Variants in CERS3 observed in about 807,000 individuals in gnomAD.
CERS3 encodes the protein ceramide synthase 3.
In CERS3, 33 loss-of-function variants were observed where a neutral mutation model predicts 50.3. The observed-to-expected ratio is 0.66, with a 90% CI of 0.50 to 0.88. CERS3 has a LOEUF of 0.88. Ranked by LOEUF, CERS3 falls within the 40% of genes least tolerant of loss-of-function variation. The probability of loss-of-function intolerance (pLI) is 0.00; values close to 1 mark genes in which losing one functional copy is unlikely to be tolerated. For synonymous variants in CERS3, 176 were observed against 155.2 expected (o/e 1.13, Z -0.99); for missense variants, 470 against 460.3 (o/e 1.02, Z -0.19).
At chr15:100,404,643 A>T (rs1398873509) in intron 11 of CERS3, among the ~76,000 whole-genome samples, 4 of 152,206 alleles carry the variant, frequency 2.6e-5, no homozygotes. Flanking sequence ...TTATATGGAG[A>T]GGCAAAGGAA....
At chr15:100,427,760 G>C (rs1213537533) in intron 11 of CERS3, among the ~76,000 whole-genome samples, 2 of 152,192 alleles carry the variant, frequency 1.3e-5, no homozygotes, top group East Asian at 1.9e-4. Flanking sequence ...CTTCTAACAA[G>C]TCTTCCTCAT....
chr15:100,497,470 A>G (rs1299691605), intron 3 of CERS3, among the ~76,000 whole-genome samples: 2 of 152,070 alleles, frequency 1.3e-5, no homozygotes, highest in Non-Finnish European at 2.9e-5. Flanking sequence ...TTTTTTCTCT[A>G]TTAGAACAAC....
At chr15:100,440,324 C>T (rs1002087961) in intron 11 of CERS3, among the ~76,000 whole-genome samples, 3 of 152,198 alleles carry the variant, frequency 2.0e-5, no homozygotes, top group Non-Finnish European at 2.9e-5. Context: ...ATCCAGATGG[C>T]CTGTTCCTGC....
intron 10 of CERS3, among the ~76,000 whole-genome samples, chr15:100,467,153 C>T (rs1011290052): frequency 2.6e-5 from 4 of 152,034 alleles, no homozygotes; most frequent in African/African-American, 7.2e-5. Context: ...CTGCACCTAG[C>T]CTGATTTTCT....
chr15:100,409,061 G>A (rs1483798455), intron 11 of CERS3, among the ~76,000 whole-genome samples: 2 of 152,080 alleles, frequency 1.3e-5, no homozygotes, highest in Middle Eastern at 3.2e-3. Context: ...AATACTTGAT[G>A]AGGCAGGACA....
At chr15:100,492,235 CAA>C (rs1277558003) in intron 3 of CERS3, among the ~76,000 whole-genome samples, 1 of 152,108 alleles carries the variant, frequency 6.6e-6, no homozygotes, top group Non-Finnish European at 1.5e-5. Flanking sequence ...CAATATTGTT[CAA>C]GTCTTCTATT....
rs146921266 is a variant in CERS3, at chr15:100,409,656, T to C, written c.1000-6791A>G. 4.3e-3 allele frequency among the ~76,000 whole-genome samples: 662 copies of C among 152,320 alleles called. 5 individuals carry two copies. The highest frequency in any genetic ancestry group is 0.015 in the African/African-American group (604 of 41,578). ...CTTTGACTGAGTGCCAAGACTTTGC[T>C]CGCAAAATCAGCGTGAGTCCGTTTC... On this transcript the variant is annotated intron_variant, in intron 11 of 11. Transcript: ENST00000679737.
intron 5 of CERS3, among the ~76,000 whole-genome samples, chr15:100,480,681 C>T (rs375018289): frequency 3.7e-4 from 57 of 152,206 alleles, no homozygotes; most frequent in Middle Eastern, 6.8e-3. Flanking sequence ...AATCTAAACA[C>T]TGAATATTTT....
At chr15:100,483,883 C>A (rs1477822333) in intron 5 of CERS3, among the ~76,000 whole-genome samples, 2 of 149,284 alleles carry the variant, frequency 1.3e-5, no homozygotes, top group African/African-American at 5.0e-5. Flanking sequence ...CAGGTTCACG[C>A]CATTCTCCTG....
chr15:100,470,084 GA>G (rs144242192), intron 9 of CERS3, among the ~76,000 whole-genome samples: 9,937 of 152,322 alleles, frequency 0.065, 439 homozygotes, highest in Non-Finnish European at 0.1. Context: ...AAGAACTGCA[GA>G]AAGGGTTGCT....
intron 1 of CERS3, among the ~76,000 whole-genome samples, chr15:100,539,188 T>A (rs2037143198): frequency 6.6e-6 from 1 of 152,224 alleles, no homozygotes; most frequent in Non-Finnish European, 1.5e-5. Flanking sequence ...CTATTAGCAT[T>A]TTTATTAAAG....
At chr15:100,458,577 C>T (rs1399460321) in intron 10 of CERS3, among the ~76,000 whole-genome samples, 1 of 79,708 alleles carries the variant, frequency 1.3e-5, no homozygotes, top group Non-Finnish European at 2.4e-5. Context: ...CAGAGCAAGA[C>T]TCCATCTCAA....
intron 1 of CERS3, among the ~76,000 whole-genome samples, chr15:100,543,155 A>G (rs1596841970): frequency 6.6e-6 from 1 of 151,996 alleles, no homozygotes; most frequent in Non-Finnish European, 1.5e-5. Flanking sequence ...CAGGTGATCC[A>G]CCTGCCTCAG....
At chr15:100,446,714 C>T (rs1241059894) in intron 11 of CERS3, among the ~76,000 whole-genome samples, 1 of 152,114 alleles carries the variant, frequency 6.6e-6, no homozygotes, top group African/African-American at 2.4e-5. Context: ...ATGAAAACTC[C>T]CTTATGTAAA....
chr15:100,497,302 A>ATGTGTGTG lies in CERS3; in HGVS notation c.173+4374_173+4375insCACACACA, dbSNP rs1236454887. Among the ~76,000 whole-genome samples the ATGTGTGTG allele has an allele frequency of 3.0e-4, 40 of 133,634 alleles. 1 individual carries two copies. The highest frequency in any genetic ancestry group is 1.1e-3 in the African/African-American group (40 of 35,684). The allele number at this position is 133,634 out of a possible 152,430, so 87.7% of individuals were successfully genotyped here. A position where few individuals can be genotyped will look rare whatever the true frequency, so the allele number is the denominator to read the frequency against. ...ACACACACAGAGAGAGAGAGCATAT[A>ATGTGTGTG]TGTATGTGTGTGTGTGTGTGTGTGT... On this transcript the variant is annotated intron_variant, in intron 3 of 11. Coordinates refer to ENST00000679737, the MANE Select transcript of CERS3 (RefSeq NM_001378789.1).
At chr15:100,439,154 G>C (rs2033564484) in intron 11 of CERS3, among the ~76,000 whole-genome samples, 1 of 152,116 alleles carries the variant, frequency 6.6e-6, no homozygotes, top group South Asian at 2.1e-4. Flanking sequence ...CTAGAGTTTT[G>C]AAATTATAGT....
chr15:100,519,742 G>A (rs1315067227), intron 2 of CERS3, among the ~76,000 whole-genome samples: 1 of 152,186 alleles, frequency 6.6e-6, no homozygotes, highest in Non-Finnish European at 1.5e-5. Context: ...ATGCTGCTAG[G>A]TCGATGTTTA....
At chr15:100,408,220 T>C (rs1003579566) in intron 11 of CERS3, among the ~76,000 whole-genome samples, 2 of 152,182 alleles carry the variant, frequency 1.3e-5, no homozygotes, top group Admixed American at 1.3e-4. Context: ...TATGTGTGGG[T>C]AGTCCTGGAA....
intron 11 of CERS3, among the ~76,000 whole-genome samples, chr15:100,423,013 C>G (rs899631275): frequency 6.7e-6 from 1 of 150,310 alleles, no homozygotes; most frequent in African/African-American, 2.5e-5. Flanking sequence ...GTGCAGCACA[C>G]CAGCATGGCA....
Sources: gnomAD v4.1 joint callset for allele counts (sites outside exome capture counted in the v4.1 genomes callset) on GRCh38, gnomAD v4.1.1 for gene constraint, MANE v1.5 for transcripts, NCBI Gene and HGNC (gene_info 2026-07-23, HGNC 2026-07-21) for gene names.